CNTN6: variants seen among roughly 807,000 people sequenced by gnomAD.
CNTN6 encodes the protein contactin 6.
CNTN6 carries 137 observed loss-of-function variants against 122.8 expected under a neutral mutation model. That is an observed-to-expected ratio of 1.12 (90% confidence interval 0.97 to 1.29). The LOEUF (loss-of-function observed/expected upper bound fraction) is 1.29, where lower values mean the gene tolerates loss of function less well. Among genes scored for constraint, CNTN6 ranks in the 50% most tolerant of loss-of-function variants. The pLI is 0.00. For missense variants in CNTN6, 1,634 were observed against 1,223.4 expected (o/e 1.34, Z -5.01); for synonymous variants, 570 against 426.0 (o/e 1.34, Z -4.16).
chr3:1,175,166 A>G (rs1319156413), intron 2 of CNTN6, among the ~76,000 whole-genome samples: 1 of 148,486 alleles, frequency 6.7e-6, no homozygotes, highest in Admixed American at 6.9e-5. Flanking sequence ...TGGGAGGCCC[A>G]GACTACGGTG....
At chr3:1,283,309 G>A (rs956057266) in intron 5 of CNTN6, among the ~76,000 whole-genome samples, 2 of 152,038 alleles carry the variant, frequency 1.3e-5, no homozygotes, top group African/African-American at 2.4e-5. Context: ...GGATGTTACC[G>A]TGCCTTTGGC....
intron 7 of CNTN6, among the ~76,000 whole-genome samples, chr3:1,313,736 C>G (rs1045705294): frequency 6.6e-6 from 1 of 152,034 alleles, no homozygotes; most frequent in African/African-American, 2.4e-5. Context: ...ATACTGTAGA[C>G]TTGTAAACAA....
intron 2 of CNTN6, among the ~76,000 whole-genome samples, chr3:1,183,185 A>C (rs2093582108): frequency 6.6e-6 from 1 of 152,168 alleles, no homozygotes; most frequent in African/African-American, 2.4e-5. Context: ...TTTTCAAAGA[A>C]ATAGTATTCA....
intron 1 of CNTN6, among the ~76,000 whole-genome samples, chr3:1,137,583 G>T (rs1475252985): frequency 1.3e-5 from 2 of 152,002 alleles, no homozygotes; most frequent in Non-Finnish European, 2.9e-5. Flanking sequence ...ACTAGAAAAG[G>T]TGTCATTTAT....
chr3:1,131,049 C>A (rs1489973179), intron 1 of CNTN6, among the ~76,000 whole-genome samples: 1 of 152,114 alleles, frequency 6.6e-6, no homozygotes, highest in Admixed American at 6.6e-5. Flanking sequence ...AGCGAAATAA[C>A]AGGCAGACCC....
chr3:1,232,271 A>G (rs2094361609), intron 4 of CNTN6, among the ~76,000 whole-genome samples: 1 of 152,162 alleles, frequency 6.6e-6, no homozygotes, highest in African/African-American at 2.4e-5. Flanking sequence ...CATTATTGCA[A>G]AAGGAAAGGC....
At chr3:1,173,122 T>C (rs560674580) in intron 2 of CNTN6, 2 of 419,580 alleles carry the variant, frequency 4.8e-6, no homozygotes, top group African/African-American at 4.1e-5. Flanking sequence ...CTCTTCTGGC[T>C]TTTCTGCCAT....
chr3:1,122,031 G>A (rs551410968), intron 1 of CNTN6, among the ~76,000 whole-genome samples: 1 of 151,714 alleles, frequency 6.6e-6, no homozygotes, highest in African/African-American at 2.4e-5. Flanking sequence ...TGTAAAATAG[G>A]GATAATAACA....
chr3:1,250,114 T>A (rs753113956), intron 4 of CNTN6, among the ~76,000 whole-genome samples: 7 of 152,184 alleles, frequency 4.6e-5, no homozygotes, highest in Non-Finnish European at 1.0e-4. Flanking sequence ...ATTATTGCTA[T>A]AAATATTAAA....
At chr3:1,310,610 A>G (rs1699073175) in intron 7 of CNTN6, among the ~76,000 whole-genome samples, 1 of 152,150 alleles carries the variant, frequency 6.6e-6, no homozygotes, top group South Asian at 2.1e-4. Flanking sequence ...TTTTGGCATT[A>G]TGGTAATTTG....
chr3:1,390,257 C>T (rs1156397673), intron 20 of CNTN6, among the ~76,000 whole-genome samples: 2 of 152,186 alleles, frequency 1.3e-5, no homozygotes, highest in Non-Finnish European at 2.9e-5. Context: ...TTAAGAATCT[C>T]ACTCAAAACC....
intron 20 of CNTN6, among the ~76,000 whole-genome samples, chr3:1,388,142 C>G (rs574389870): frequency 1.3e-5 from 2 of 152,082 alleles, no homozygotes; most frequent in Admixed American, 6.5e-5. Flanking sequence ...GCAGTAACGT[C>G]TGCAGAGTTA....
At chr3:1,318,945 T>C (rs928517640) in intron 7 of CNTN6, among the ~76,000 whole-genome samples, 29 of 151,784 alleles carry the variant, frequency 1.9e-4, no homozygotes, top group African/African-American at 6.8e-4. Context: ...AGTCCAGCAC[T>C]GACATTTTCT....
At chr3:1,381,932 G>A (rs371703676) in intron 17 of CNTN6, among the ~76,000 whole-genome samples, 1 of 146,386 alleles carries the variant, frequency 6.8e-6, no homozygotes, top group Non-Finnish European at 1.5e-5. Flanking sequence ...TGGTTCTGGC[G>A]CTCGTGAATT....
intron 4 of CNTN6, among the ~76,000 whole-genome samples, chr3:1,268,606 CAAAAAAAA>C (rs71690299): frequency 1.0e-5 from 1 of 99,528 alleles, no homozygotes; most frequent in African/African-American, 3.4e-5. Flanking sequence ...GACTCCGTCT[CAAAAAAAA>C]AAAAAAAAAA....
intron 12 of CNTN6, among the ~76,000 whole-genome samples, chr3:1,354,787 G>A (rs192729852): frequency 1.3e-5 from 2 of 151,488 alleles, no homozygotes; most frequent in Admixed American, 6.6e-5. Flanking sequence ...TTCAGGGTCT[G>A]AGCTTCTTAG....
At chr3:1,286,762 C>T (rs4065411) in intron 5 of CNTN6, among the ~76,000 whole-genome samples, 34,451 of 151,960 alleles carry the variant, frequency 0.23, 4,502 homozygotes, top group Non-Finnish European at 0.3. Flanking sequence ...AAGGCTCCTC[C>T]GTGTGCTGTA....
chr3:1,291,247 T>C (rs954092313), intron 5 of CNTN6, among the ~76,000 whole-genome samples: 3 of 152,228 alleles, frequency 2.0e-5, no homozygotes, highest in Non-Finnish European at 2.9e-5. Flanking sequence ...TATTAATCTT[T>C]ATGTAATCTT....
intron 14 of CNTN6, among the ~76,000 whole-genome samples, 189 bp from the exon 15 acceptor site, chr3:1,373,415 C>A (rs1314349325): frequency 1.3e-5 from 2 of 152,050 alleles, no homozygotes; most frequent in East Asian, 3.9e-4. Flanking sequence ...CCAGAGGAAG[C>A]ACTACTACAT....
Sources: allele counts gnomAD v4.1 joint callset (sites outside exome capture counted in the v4.1 genomes callset), GRCh38; gene constraint gnomAD v4.1.1; transcripts MANE v1.5; gene names NCBI Gene and HGNC (gene_info 2026-07-23, HGNC 2026-07-21).